The following ADCY2 variants were observed in gnomAD, a reference collection of about 807,000 sequenced individuals.
The protein encoded by ADCY2 is adenylate cyclase type 2.
Under a neutral mutation model 125.2 loss-of-function variants are expected in ADCY2, and 31 were observed. The observed-to-expected ratio is 0.25, with a 90% CI of 0.19 to 0.33. The LOEUF (loss-of-function observed/expected upper bound fraction) is 0.33, where lower values mean the gene tolerates loss of function less well. Among genes scored for constraint, ADCY2 ranks in the 10% least tolerant of loss-of-function variants. The probability of loss-of-function intolerance (pLI) is 1.00; values close to 1 mark genes in which losing one functional copy is unlikely to be tolerated. For missense variants in ADCY2, 904 were observed against 1,418.2 expected (o/e 0.64, Z 5.82); for synonymous variants, 512 against 548.4 (o/e 0.93, Z 0.93).
chr5:7,404,592 T>C (rs1293739123), intron 1 of ADCY2, among the ~76,000 whole-genome samples: 1 of 152,250 alleles, frequency 6.6e-6, no homozygotes, highest in Non-Finnish European at 1.5e-5. Flanking sequence ...CATGTCTAAC[T>C]ACTGGCGATG....
At chr5:7,515,849 A>G (rs879882985) in intron 2 of ADCY2, among the ~76,000 whole-genome samples, 1 of 152,158 alleles carries the variant, frequency 6.6e-6, no homozygotes, top group Non-Finnish European at 1.5e-5. Flanking sequence ...GTCAAGGGAG[A>G]AAATTAACAA....
intron 24 of ADCY2, among the ~76,000 whole-genome samples, chr5:7,825,667 CA>C (rs1267915284): frequency 6.6e-6 from 1 of 152,220 alleles, no homozygotes; most frequent in African/African-American, 2.4e-5. Context: ...AGCAGGTAGC[CA>C]ACAGAGGGGT....
intron 12 of ADCY2, among the ~76,000 whole-genome samples, chr5:7,718,179 C>T (rs1184508095): frequency 3.1e-5 from 4 of 127,162 alleles, no homozygotes; most frequent in African/African-American, 3.1e-5. Context: ...GACAGAGTCT[C>T]GCTCTGTTGC....
At chr5:7,562,969 T>C (rs76284007) in intron 3 of ADCY2, among the ~76,000 whole-genome samples, 2 of 152,194 alleles carry the variant, frequency 1.3e-5, no homozygotes, top group African/African-American at 4.8e-5. Context: ...TTTTTTAAAT[T>C]CTGTATCTCA....
In ADCY2 at chr5:7,687,938, A is replaced by G. The variant is rs1329664040; in HGVS notation, c.721-2753A>G. On this transcript the variant is annotated intron_variant, in intron 4 of 24. Transcript: ENST00000338316. ...GAGCACCTGTGGCTTGGTGCATTTC[A>G]TCTTGTCTCAGCCTTTGACTCATCA... is the stretch of plus-strand genomic sequence containing the variant. Among the ~76,000 whole-genome samples, 5 of 152,186 alleles carry G rather than the reference A, an allele frequency of 3.3e-5. No individual in the cohort carries two copies. The East Asian group carries it at 9.7e-4, about 29-fold the overall frequency.
chr5:7,509,769 T>C (rs958254814), intron 2 of ADCY2, among the ~76,000 whole-genome samples: 5 of 152,248 alleles, frequency 3.3e-5, no homozygotes, highest in African/African-American at 1.2e-4. Flanking sequence ...CTAAGGTAAC[T>C]GTATGGGAAA....
At chr5:7,784,831 A>G (rs1191347906) in intron 19 of ADCY2, among the ~76,000 whole-genome samples, 2 of 152,160 alleles carry the variant, frequency 1.3e-5, no homozygotes, top group Non-Finnish European at 2.9e-5. Context: ...CAGAATATGT[A>G]GCACACTTGT....
At chr5:7,455,259 T>C (rs1322975911) in intron 2 of ADCY2, among the ~76,000 whole-genome samples, 1 of 152,216 alleles carries the variant, frequency 6.6e-6, no homozygotes, top group African/African-American at 2.4e-5. Flanking sequence ...GTTGATATTT[T>C]GTTAGTAAAG....
At chr5:7,486,777 C>G (rs912811039) in intron 2 of ADCY2, among the ~76,000 whole-genome samples, 2 of 152,104 alleles carry the variant, frequency 1.3e-5, no homozygotes, top group African/African-American at 4.8e-5. Flanking sequence ...AGCTGACTTG[C>G]AGGTAAAATG....
At chr5:7,636,243 G>A (rs1444484859) in intron 4 of ADCY2, among the ~76,000 whole-genome samples, 1 of 152,246 alleles carries the variant, frequency 6.6e-6, no homozygotes, top group Non-Finnish European at 1.5e-5. Flanking sequence ...GCAAAAAGCA[G>A]GGAGCCATCC....
chr5:7,436,140 C>T (rs1016233859), intron 2 of ADCY2, among the ~76,000 whole-genome samples: 4 of 152,160 alleles, frequency 2.6e-5, no homozygotes, highest in African/African-American at 9.7e-5. Flanking sequence ...TATCTTTAAA[C>T]AGACGCACAC....
chr5:7,610,953 T>C (rs1161849195), intron 3 of ADCY2, among the ~76,000 whole-genome samples: 1 of 152,246 alleles, frequency 6.6e-6, no homozygotes, highest in Admixed American at 6.5e-5. Flanking sequence ...GTGATTCTGA[T>C]GCCAGGCATG....
chr5:7,774,005 C>T (rs1743635809), intron 18 of ADCY2, among the ~76,000 whole-genome samples: 1 of 152,204 alleles, frequency 6.6e-6, no homozygotes, highest in Non-Finnish European at 1.5e-5. Flanking sequence ...TTGGCACTGT[C>T]CTCCATCTTA....
chr5:7,759,884 A>G (rs185421519), intron 16 of ADCY2, among the ~76,000 whole-genome samples: 1,742 of 109,156 alleles, frequency 0.016, 45 homozygotes, highest in African/African-American at 0.058. Flanking sequence ...CTGGCCAGCC[A>G]GGGTATTCTG....
intron 3 of ADCY2, among the ~76,000 whole-genome samples, chr5:7,587,559 T>A (rs1163287143): frequency 6.6e-6 from 1 of 152,166 alleles, no homozygotes; most frequent in Non-Finnish European, 1.5e-5. Flanking sequence ...CTGTACCTTC[T>A]AGGGAACAGG....
intron 11 of ADCY2, 26 bp from the exon 12 acceptor site, chr5:7,717,131 C>T (rs1235208110): frequency 6.9e-7 from 1 of 1,456,922 alleles, no homozygotes; most frequent in Non-Finnish European, 9.6e-7. Context: ...AATATCCTTA[C>T]CCATAATATT....
rs1234118313 is a variant in ADCY2, at chr5:7,554,430, C to T, written c.570+33531C>T. ...TAATAAAGAAGTGGTTATTTGGGAG[C>T]TGGAAGTACATATTTGATTTTAATT... On this transcript the variant is annotated intron_variant, in intron 3 of 24. Transcript: ENST00000338316. Among the ~76,000 whole-genome samples the T allele has an allele frequency of 2.0e-5, 3 of 152,180 alleles. No individual in the cohort carries two copies. The East Asian group carries it at 5.8e-4, about 29-fold the overall frequency.
At chr5:7,433,507 C>T (rs565089736) in intron 2 of ADCY2, among the ~76,000 whole-genome samples, 1 of 152,150 alleles carries the variant, frequency 6.6e-6, no homozygotes, top group South Asian at 2.1e-4. Context: ...ACTTTTATCA[C>T]AGTTTTTACT....
rs528339299 is a variant in ADCY2 at position 7,451,707 on chromosome 5, A to G, written c.408+36937A>G. On this transcript the variant is annotated intron_variant, in intron 2 of 24. Transcript: ENST00000338316. ...ACAAAGAAATGTTTTTTTGAAAGAA[A>G]GAGTACATGGATGTGGCAAACTTAA... is the stretch of plus-strand genomic sequence containing the variant. Among the ~76,000 whole-genome samples, 7 of 152,322 alleles carry G rather than the reference A, an allele frequency of 4.6e-5. No homozygotes were observed. The South Asian group carries it at 1.2e-3, about 27-fold the overall frequency.
Sources: allele counts gnomAD v4.1 joint callset (sites outside exome capture counted in the v4.1 genomes callset), GRCh38; gene constraint gnomAD v4.1.1; transcripts MANE v1.5; gene names NCBI Gene and HGNC (gene_info 2026-07-23, HGNC 2026-07-21).